Variants in MAP2K4 observed in about 807,000 individuals in gnomAD.
MAP2K4 encodes the protein mitogen-activated protein kinase kinase 4.
In MAP2K4, 4 loss-of-function variants were observed where a neutral mutation model predicts 48.5. The ratio of observed to expected loss-of-function variants is 0.08; its 90% confidence interval spans 0.04 to 0.19. The LOEUF (loss-of-function observed/expected upper bound fraction) is 0.19. Ranked by LOEUF, MAP2K4 falls within the 10% of genes least tolerant of loss-of-function variation. The probability of loss-of-function intolerance (pLI) is 1.00; values close to 1 mark genes in which losing one functional copy is unlikely to be tolerated. For missense variants in MAP2K4, 258 were observed against 493.3 expected (o/e 0.52, Z 4.52); for synonymous variants, 166 against 173.1 (o/e 0.96, Z 0.32).
At chr17:12,059,594 G>A (rs1252689468) in intron 2 of MAP2K4, among the ~76,000 whole-genome samples, 4 of 152,142 alleles carry the variant, frequency 2.6e-5, no homozygotes, top group Admixed American at 2.0e-4. Flanking sequence ...ACATTTTGGG[G>A]CTTAAGAGTT....
chr17:12,119,178 A>G (rs1021065520), intron 7 of MAP2K4, among the ~76,000 whole-genome samples: 15 of 152,234 alleles, frequency 9.9e-5, no homozygotes, highest in Admixed American at 3.3e-4. Context: ...CATTCTGCAT[A>G]TCAAAAGAAA....
Position 12,125,164 on chromosome 17 carries a change from A to C in MAP2K4, c.814-130A>C, listed in dbSNP as rs531162776. 1.3e-5 allele frequency: 9 copies of C among 689,174 alleles called. No homozygotes were observed. In the South Asian group the frequency reaches 1.5e-4, roughly 11 times the overall value. 42.7% of individuals were successfully genotyped at this position (689,174 alleles called of 1,614,324 possible). ...ATAATGATGACTTCCTATTACTTCC[A>C]TTCTGACGCTAGACATGGATTCCTC... On this transcript the variant is annotated intron_variant, in intron 7 of 10. Transcript: ENST00000353533.
At chr17:12,030,847 C>T (rs1326901530) in intron 1 of MAP2K4, among the ~76,000 whole-genome samples, 2 of 152,306 alleles carry the variant, frequency 1.3e-5, no homozygotes, top group South Asian at 4.1e-4. Context: ...TCCCAGCCTC[C>T]TCTCCAGTTG....
At chr17:12,125,254 G>A (rs1274925612) in intron 7 of MAP2K4, 40 bp from the exon 8 acceptor site, 3 of 1,487,634 alleles carry the variant, frequency 2.0e-6, no homozygotes, top group East Asian at 2.3e-5. Context: ...TTCCTTGAGT[G>A]TAAGGCAATT....
At chr17:12,036,386 G>A (rs1969598773) in intron 1 of MAP2K4, 1 of 152,182 alleles carries the variant, frequency 6.6e-6, no homozygotes, top group Admixed American at 6.5e-5. Context: ...TATAATTTAT[G>A]ACCGTATCTC....
Position 12,026,408 on chromosome 17 carries a change from G to A in MAP2K4, c.115+5407G>A, listed in dbSNP as rs75883875. 8.8e-3 allele frequency among the ~76,000 whole-genome samples: 1,342 copies of A among 152,260 alleles called. 19 individuals carry two copies. Among genetic ancestry groups the A allele is most frequent in the African/African-American group, 0.031 (1,285 of 41,540 alleles). ...CAGTCTCCTTTGTAGTCTCTAGGAAGTGCAGATGGCTCCAATGATACAACC... is the reference window on the plus strand; with the variant it reads ...CAGTCTCCTTTGTAGTCTCTAGGAAATGCAGATGGCTCCAATGATACAACC... On this transcript the variant is annotated intron_variant, in intron 1 of 10. Coordinates refer to ENST00000353533, the MANE Select transcript of MAP2K4 (RefSeq NM_003010.4).
At chr17:12,072,689 AT>A (rs28918124) in intron 2 of MAP2K4, among the ~76,000 whole-genome samples, 1 of 152,208 alleles carries the variant, frequency 6.6e-6, no homozygotes, top group Non-Finnish European at 1.5e-5. Context: ...ACAGGCTAAA[AT>A]TTAAGCAGTA....
chr17:12,046,681 C>T (rs182456739), intron 1 of MAP2K4, among the ~76,000 whole-genome samples: 23 of 152,238 alleles, frequency 1.5e-4, no homozygotes, highest in African/African-American at 5.5e-4. Flanking sequence ...CTATTATAAT[C>T]AATGGCATTG....
In MAP2K4 at chr17:12,129,124, C is replaced by G; in HGVS notation, c.892-15C>G. On this transcript the variant is annotated splice_polypyrimidine_tract_variant and intron_variant, in intron 8 of 10. Transcript: ENST00000353533. ...TGCCTGGTGTATTTTGCTCTTTCCT[C>G]TTTGTTCTCTTTAGTATGAGTTGGC... 6.2e-7 allele frequency: 1 copy of G among 1,612,512 alleles called. No homozygotes were observed. Among genetic ancestry groups the G allele is most frequent in the African/African-American group, 1.3e-5 (1 of 75,010 alleles).
chr17:12,130,265 G>A (rs1446621052), intron 9 of MAP2K4, among the ~76,000 whole-genome samples: 3 of 152,056 alleles, frequency 2.0e-5, no homozygotes, highest in African/African-American at 4.8e-5. Context: ...TTCTACTTTT[G>A]TGTTGGTTTT....
At chr17:12,122,198 T>C (rs1244187808) in intron 7 of MAP2K4, among the ~76,000 whole-genome samples, 2 of 152,262 alleles carry the variant, frequency 1.3e-5, no homozygotes, top group Non-Finnish European at 2.9e-5. Flanking sequence ...ATTTAAGTGC[T>C]AACTTACTGA....
chr17:12,047,495 G>A (rs1270468383), intron 1 of MAP2K4, among the ~76,000 whole-genome samples: 1 of 152,180 alleles, frequency 6.6e-6, no homozygotes, highest in Non-Finnish European at 1.5e-5. Context: ...GCAGAGTTGA[G>A]CTTCAAAACT....
Position 12,081,963 on chromosome 17 carries a change from A to T in MAP2K4, c.393+433A>T, listed in dbSNP as rs1328794977. ...TGAAGGTTTCCTGGAAACCACGCAC[A>T]TGCTGTTGCCACTAACCTCAACCTT... On this transcript the variant is annotated intron_variant, in intron 3 of 10. Coordinates refer to ENST00000353533, the MANE Select transcript of MAP2K4 (RefSeq NM_003010.4). The surrounding 1 kb of genome is among the most constrained non-coding windows in gnomAD (Gnocchi z 4.2). 1 of 533,178 alleles carries T rather than the reference A, an allele frequency of 1.9e-6. No individual in the cohort carries two copies. The allele number at this position is 533,178 out of a possible 1,614,324, so 33.0% of individuals were successfully genotyped here.
intron 2 of MAP2K4, among the ~76,000 whole-genome samples, 191 bp downstream of exon 2, chr17:12,055,182 T>C (rs1037722654): frequency 5.3e-5 from 8 of 152,148 alleles, no homozygotes; most frequent in African/African-American, 1.9e-4. Context: ...GACTGTCTTC[T>C]GTCCAACTGT....
At chr17:12,071,160 G>C (rs1970793526) in intron 2 of MAP2K4, among the ~76,000 whole-genome samples, 1 of 152,296 alleles carries the variant, frequency 6.6e-6, no homozygotes, top group Admixed American at 6.5e-5. Context: ...ACCTAATCCA[G>C]AATCTCTTTT....
At chr17:12,065,647 G>C (rs900275750) in intron 2 of MAP2K4, among the ~76,000 whole-genome samples, 1 of 152,076 alleles carries the variant, frequency 6.6e-6, no homozygotes, top group East Asian at 1.9e-4. Context: ...TGTTGGCCAG[G>C]CTTGTCTCGA....
chr17:12,099,236 A>G (rs1971856950), intron 4 of MAP2K4, among the ~76,000 whole-genome samples: 1 of 151,090 alleles, frequency 6.6e-6, no homozygotes, highest in African/African-American at 2.4e-5. Context: ...ACATGATTTC[A>G]TTCTTTTTTT....
rs1352990895 is a variant in MAP2K4, at chr17:12,142,584, A to G, written c.*1324A>G. 4.3e-6 allele frequency: 1 copy of G among 233,012 alleles called. No homozygotes were observed. The highest frequency in any genetic ancestry group is 6.0e-5 in the East Asian group (1 of 16,580). The allele number at this position is 233,012 out of a possible 1,614,324, so 14.4% of individuals were successfully genotyped here. ...AAAGAGGCATCTTTTCTAGAGACACATTGGACCAGATGAGGATCCGAAACG... is the reference window on the plus strand; with the variant it reads ...AAAGAGGCATCTTTTCTAGAGACACGTTGGACCAGATGAGGATCCGAAACG... On this transcript the variant is annotated 3_prime_UTR_variant, in exon 11 of 11. Coordinates refer to ENST00000353533, the MANE Select transcript of MAP2K4 (RefSeq NM_003010.4).
chr17:12,137,512 T>C (rs1278786072), intron 9 of MAP2K4, among the ~76,000 whole-genome samples: 1 of 152,182 alleles, frequency 6.6e-6, no homozygotes, highest in Non-Finnish European at 1.5e-5. Context: ...CTTGATGTTC[T>C]CTAGACTGGA....
Sources: allele counts gnomAD v4.1 joint callset (sites outside exome capture counted in the v4.1 genomes callset), GRCh38; gene constraint gnomAD v4.1.1; non-coding constraint Gnocchi (gnomAD v3.1); transcripts MANE v1.5; gene names NCBI Gene and HGNC (gene_info 2026-07-23, HGNC 2026-07-21).